DPF3: variants seen among roughly 807,000 people sequenced by gnomAD.
The protein encoded by DPF3 is double PHD fingers 3.
Under a neutral mutation model 56.8 loss-of-function variants are expected in DPF3, and 18 were observed. The observed-to-expected ratio is 0.32, with a 90% CI of 0.22 to 0.47. DPF3 has a LOEUF of 0.47. Among genes scored for constraint, DPF3 ranks in the 20% least tolerant of loss-of-function variants. The pLI is 1.00. For missense variants in DPF3, 403 were observed against 488.8 expected, an observed-to-expected ratio of 0.82 and a Z score of 1.65; for synonymous variants, 188 against 180.2, an observed-to-expected ratio of 1.04 and a Z score of -0.35.
At chr14:72,683,546 T>C (rs1211153623) in intron 7 of DPF3, among the ~76,000 whole-genome samples, 3 of 152,122 alleles carry the variant, frequency 2.0e-5, no homozygotes, top group Non-Finnish European at 4.4e-5. Context: ...ATGCCATTAA[T>C]GATCTGATGT....
At chr14:72,659,288 T>C (rs1444392239) in intron 8 of DPF3, among the ~76,000 whole-genome samples, 1 of 152,244 alleles carries the variant, frequency 6.6e-6, no homozygotes, top group African/African-American at 2.4e-5. Flanking sequence ...TAACTACATG[T>C]TTCCGAGTGG....
chr14:72,802,585 C>A (rs563028722), intron 1 of DPF3, among the ~76,000 whole-genome samples: 2 of 152,202 alleles, frequency 1.3e-5, no homozygotes, highest in Non-Finnish European at 2.9e-5. Context: ...ATGCCCCCAA[C>A]AGCCCAGAAC....
intron 2 of DPF3, among the ~76,000 whole-genome samples, chr14:72,756,830 A>AAGAC (rs1567222844): frequency 3.7e-5 from 3 of 80,432 alleles, no homozygotes; most frequent in Non-Finnish European, 7.3e-5. Context: ...GACAGAAAGA[A>AAGAC]AGAAAGAAAG....
At chr14:72,832,136 G>T (rs12431973) in intron 1 of DPF3, among the ~76,000 whole-genome samples, 14,916 of 152,166 alleles carry the variant, frequency 0.098, 862 homozygotes, top group South Asian at 0.18. Flanking sequence ...AGGATCGCTT[G>T]AGCCCAGGAG....
intron 3 of DPF3, among the ~76,000 whole-genome samples, chr14:72,735,599 G>T (rs984370719): frequency 2.0e-5 from 3 of 152,206 alleles, no homozygotes; most frequent in Non-Finnish European, 4.4e-5. Context: ...AGCACAGAAA[G>T]ATATAGAGAT....
chr14:72,890,361 C>T (rs1438371110), intron 1 of DPF3, among the ~76,000 whole-genome samples: 9 of 151,874 alleles, frequency 5.9e-5, no homozygotes, highest in Admixed American at 2.0e-4. Context: ...TGTAGTGGTG[C>T]GCGCCTGTAA....
At chr14:72,691,206 G>A (rs770928995) in intron 7 of DPF3, among the ~76,000 whole-genome samples, 11 of 152,118 alleles carry the variant, frequency 7.2e-5, no homozygotes, top group African/African-American at 1.9e-4. Context: ...AGGGTCTGTC[G>A]CACTAAAGGC....
intron 9 of DPF3, among the ~76,000 whole-genome samples, chr14:72,621,024 C>A (rs569909765): frequency 6.6e-6 from 1 of 152,124 alleles, no homozygotes; most frequent in South Asian, 2.1e-4. Flanking sequence ...ACCTGTAATC[C>A]CAGCTACTCA....
intron 1 of DPF3, among the ~76,000 whole-genome samples, chr14:72,775,314 T>C (rs549578842): frequency 6.7e-6 from 1 of 148,510 alleles, no homozygotes; most frequent in African/African-American, 2.5e-5. Flanking sequence ...TGGAAACCAA[T>C]ACAAAAGAAA....
intron 1 of DPF3, among the ~76,000 whole-genome samples, chr14:72,861,715 GAAAGAGAGAGAA>G: frequency 2.1e-5 from 2 of 93,646 alleles, no homozygotes; most frequent in Admixed American, 2.5e-4. Flanking sequence ...AGAGAAAGAA[GAAAGAGAGAGAA>G]AGAAAGAAAG....
chr14:72,628,940 C>T (rs1389397514), intron 9 of DPF3, among the ~76,000 whole-genome samples: 1 of 152,118 alleles, frequency 6.6e-6, no homozygotes, highest in Non-Finnish European at 1.5e-5. Context: ...TTTATATGCA[C>T]CTACAGATAT....
intron 10 of DPF3, among the ~76,000 whole-genome samples, 198 bp from the exon 11 acceptor site, chr14:72,619,565 A>G (rs1276910533): frequency 6.6e-6 from 1 of 152,164 alleles, no homozygotes; most frequent in Non-Finnish European, 1.5e-5. Context: ...AACTCTTATC[A>G]AGACCCTCAC....
At chr14:72,872,640 C>A (rs1885946428) in intron 1 of DPF3, among the ~76,000 whole-genome samples, 1 of 152,222 alleles carries the variant, frequency 6.6e-6, no homozygotes, top group African/African-American at 2.4e-5. Flanking sequence ...AAGAACAAAG[C>A]TGGAGGCATC....
chr14:72,644,691 G>A (rs759978482), intron 8 of DPF3, among the ~76,000 whole-genome samples: 4 of 152,160 alleles, frequency 2.6e-5, no homozygotes, highest in Non-Finnish European at 5.9e-5. Context: ...CTTTGTAAGG[G>A]TAGACAAGAG....
At chr14:72,834,703 C>T (rs1160573132) in intron 1 of DPF3, among the ~76,000 whole-genome samples, 2 of 152,000 alleles carry the variant, frequency 1.3e-5, no homozygotes, top group African/African-American at 4.8e-5. Context: ...AGGTATATAC[C>T]CAAAAGAATT....
chr14:72,712,786 G>A (rs1888711960), intron 6 of DPF3, among the ~76,000 whole-genome samples: 1 of 152,220 alleles, frequency 6.6e-6, no homozygotes, highest in South Asian at 2.1e-4. Context: ...AGGATGGCTT[G>A]AGTCCAGGAG....
At chr14:72,667,642 A>G (rs1169953692) in intron 8 of DPF3, among the ~76,000 whole-genome samples, 1 of 152,210 alleles carries the variant, frequency 6.6e-6, no homozygotes, top group African/African-American at 2.4e-5. Context: ...CTCTTTGTAC[A>G]TTGTCTAGAA....
chr14:72,700,561 G>C (rs1322833673), intron 6 of DPF3, among the ~76,000 whole-genome samples: 1 of 152,204 alleles, frequency 6.6e-6, no homozygotes, highest in Non-Finnish European at 1.5e-5. Context: ...AATCTTGAAA[G>C]TCTGGCCAGA....
chr14:72,614,866 G>C lies in DPF3; in HGVS notation c.*4431C>G, dbSNP rs1160403688. On this transcript the variant is annotated 3_prime_UTR_variant, in exon 11 of 11. Coordinates refer to ENST00000556509, the MANE Select transcript of DPF3 (RefSeq NM_001280542.3). ...GAGGATTTCTCCCTGAGGACATCCAGCTCTCTGCCTTTTTCCACCAGAGAT... is the reference window on the plus strand; with the variant it reads ...GAGGATTTCTCCCTGAGGACATCCACCTCTCTGCCTTTTTCCACCAGAGAT... 6.8e-6 allele frequency among the ~76,000 whole-genome samples: 1 copy of C among 146,520 alleles called. No individual in the cohort carries two copies. The highest frequency in any genetic ancestry group is 1.5e-5 in the Non-Finnish European group (1 of 67,218).
Sources: gnomAD v4.1 joint callset for allele counts (sites outside exome capture counted in the v4.1 genomes callset) on GRCh38, gnomAD v4.1.1 for gene constraint, MANE v1.5 for transcripts, NCBI Gene and HGNC (gene_info 2026-07-23, HGNC 2026-07-21) for gene names.